Variants in DZIP1 observed in about 807,000 individuals in gnomAD.
The protein encoded by DZIP1 is cilium assembly protein DZIP1.
In DZIP1, 97 loss-of-function variants were observed where a neutral mutation model predicts 107.6. The ratio of observed to expected loss-of-function variants is 0.90; its 90% CI spans 0.77 to 1.07. The LOEUF is 1.07. DZIP1 is among the 50% of genes least tolerant of loss of function. The pLI, the probability that DZIP1 is intolerant of heterozygous loss-of-function variation, is 0.00. For synonymous variants in DZIP1, 390 were observed against 386.4 expected (o/e 1.01, Z -0.11); for missense variants, 1,035 against 1,063.6 (o/e 0.97, Z 0.37).
At chr13:95,643,853 T>C (rs752417534) in intron 1 of DZIP1, among the ~76,000 whole-genome samples, 155 bp from the exon 2 acceptor site, 1 of 152,198 alleles carries the variant, frequency 6.6e-6, no homozygotes, top group Non-Finnish European at 1.5e-5. Flanking sequence ...GTTAGAACGA[T>C]TAACCCATGA....
At chr13:95,599,923 C>A (rs985565094) in intron 14 of DZIP1, among the ~76,000 whole-genome samples, 7 of 152,188 alleles carry the variant, frequency 4.6e-5, no homozygotes, top group Non-Finnish European at 1.0e-4. Context: ...GAGAGGTCAG[C>A]AGCAAGAATG....
intron 7 of DZIP1, among the ~76,000 whole-genome samples, chr13:95,627,896 A>G (rs1876732453): frequency 6.6e-6 from 1 of 152,240 alleles, no homozygotes; most frequent in African/African-American, 2.4e-5. Context: ...ATGTCATTCA[A>G]TGGATGACTG....
At chr13:95,609,885 A>T (rs544978246) in intron 12 of DZIP1, among the ~76,000 whole-genome samples, 1 of 152,162 alleles carries the variant, frequency 6.6e-6, no homozygotes, top group Non-Finnish European at 1.5e-5. Context: ...CATCTCTCAA[A>T]TAGACAAAGA....
intron 16 of DZIP1, among the ~76,000 whole-genome samples, chr13:95,591,538 A>G (rs2044313330): frequency 6.6e-6 from 1 of 151,850 alleles, no homozygotes; most frequent in Admixed American, 6.6e-5. Context: ...CATACCACCC[A>G]CCCAGTTGCC....
At chr13:95,611,905 C>A (rs2045019875) in intron 11 of DZIP1, 132 bp downstream of exon 11, 1 of 1,151,324 alleles carries the variant, frequency 8.7e-7, no homozygotes, top group East Asian at 2.5e-5. Flanking sequence ...CTTTTACAAG[C>A]AATCACAAGG....
At chr13:95,624,103 G>T (rs1006276833) in intron 8 of DZIP1, among the ~76,000 whole-genome samples, 2 of 152,112 alleles carry the variant, frequency 1.3e-5, no homozygotes, top group Non-Finnish European at 2.9e-5. Context: ...CTCTATTTTC[G>T]TTTATAAAAC....
At chr13:95,585,907 GCTAA>G (rs2044146794) in intron 21 of DZIP1, 95 bp downstream of exon 21, 3 of 1,236,168 alleles carry the variant, frequency 2.4e-6, no homozygotes, top group South Asian at 3.3e-5. Flanking sequence ...TACTCTACCA[GCTAA>G]CTATCTGTTT....
Position 95,641,909 on chromosome 13 carries a change from G to C in DZIP1, c.37-54C>G. On this transcript the variant is annotated intron_variant, in intron 4 of 22. Transcript: ENST00000376829. The surrounding 1 kb of genome is among the most constrained non-coding windows in gnomAD (Gnocchi z 4.3). ...GGAGGCGGGGATGGGGGGCGGGCAG[G>C]CTGGGGAGCTGGGGGTCCGGGGAAG... 1 of 1,453,930 alleles carries C rather than the reference G, an allele frequency of 6.9e-7. No individual in the cohort carries two copies. Among genetic ancestry groups the C allele is most frequent in the Non-Finnish European group, 9.0e-7 (1 of 1,109,924 alleles). The allele number at this position is 1,453,930 out of a possible 1,614,324, so 90.1% of individuals were successfully genotyped here. A position where few individuals can be genotyped will look rare whatever the true frequency, so the allele number is the denominator to read the frequency against.
intron 7 of DZIP1, among the ~76,000 whole-genome samples, chr13:95,625,785 A>T (rs1237017000): frequency 6.6e-6 from 1 of 152,138 alleles, no homozygotes; most frequent in Non-Finnish European, 1.5e-5. Context: ...ATGCAGCCAA[A>T]TCAGTGCTCA....
At chr13:95,633,755 T>A (rs1483140780) in intron 5 of DZIP1, among the ~76,000 whole-genome samples, 7 of 147,588 alleles carry the variant, frequency 4.7e-5, no homozygotes, top group Admixed American at 4.7e-4. Context: ...AACGATACCA[T>A]CCTAGCAAGA....
At position 95,642,074 on chromosome 13, in the gene DZIP1, G is replaced by T. The variant is rs775411515; in HGVS notation, c.-45C>A. The stretch of plus-strand genomic sequence containing the variant: ...TTACCCAGCCTGGGCCGCCTCCCGG[G>T]CCGCCGCCGCCACAGCCCTCAGGAG... On this transcript the variant is annotated 5_prime_UTR_variant, in exon 4 of 23. Transcript: ENST00000376829. 6.6e-5 allele frequency: 98 copies of T among 1,487,230 alleles called. No individual in the cohort carries two copies. Among genetic ancestry groups the T allele is most frequent in the Non-Finnish European group, 8.7e-5 (98 of 1,128,414 alleles). 92.1% of individuals were successfully genotyped at this position (1,487,230 alleles called of 1,614,324 possible).
At chr13:95,601,330 T>G (rs2044612253) in intron 14 of DZIP1, among the ~76,000 whole-genome samples, 1 of 152,128 alleles carries the variant, frequency 6.6e-6, no homozygotes, top group South Asian at 2.1e-4. Flanking sequence ...GCCACCAGTC[T>G]AGACTTCAAA....
rs71682947 is a variant in DZIP1 at position 95,639,998 on chromosome 13, A to ATTT, written c.597+1294_597+1296dup. The stretch of plus-strand genomic sequence containing the variant: ...TCCCTTATCTTTTTTATTTTTATTT[A>ATTT]TTTTTTTTTTTTTGAGATAGATTCT... On this transcript the variant is annotated intron_variant, in intron 5 of 22. Transcript: ENST00000376829. 1.6e-3 allele frequency among the ~76,000 whole-genome samples: 229 copies of ATTT among 142,986 alleles called. 3 individuals are homozygous for ATTT. Among genetic ancestry groups the ATTT allele is most frequent in the African/African-American group, 4.0e-3 (152 of 37,962 alleles). 93.8% of individuals were successfully genotyped at this position (142,986 alleles called of 152,430 possible). A position where few individuals can be genotyped will look rare whatever the true frequency, so the allele number is the denominator to read the frequency against.
chr13:95,587,305 G>A (rs2044185619), intron 20 of DZIP1, among the ~76,000 whole-genome samples: 1 of 152,136 alleles, frequency 6.6e-6, no homozygotes, highest in Non-Finnish European at 1.5e-5. Context: ...CCCAGTTTAT[G>A]GTACTGTTAT....
In DZIP1 at chr13:95,586,049, A is replaced by C; in HGVS notation, c.2306T>G (p.Val769Gly). The C allele has an allele frequency of 6.2e-7, 1 of 1,609,208 alleles. No homozygotes were observed. Among genetic ancestry groups the C allele is most frequent in the South Asian group, 1.1e-5 (1 of 89,638 alleles). The change falls in exon 21 of 23, where the codon GTC (valine) becomes GGC (glycine). Residue 769 changes from valine to glycine, a missense_variant. Val to Gly is a moderately radical substitution (Grantham distance 109, BLOSUM62 -3). Coordinates refer to ENST00000376829, the MANE Select transcript of DZIP1 (RefSeq NM_198968.4). ...TTCTTTTTTGATAAACATCTCAGGG[A>C]CATTAGTTCCACCGACTGGTTTGTT... Reference protein sequence around the residue: ...NVNKPVGGTNVPEMFIKKEEL... With the variant: ...NVNKPVGGTNGPEMFIKKEEL...
chr13:95,629,943 C>G, intron 7 of DZIP1, 46 bp downstream of exon 7: 1 of 1,541,848 alleles, frequency 6.5e-7, no homozygotes, highest in Non-Finnish European at 8.7e-7. Context: ...AATTGAATTA[C>G]ATACAGTTAA....
At chr13:95,599,027 G>T (rs2044538107) in intron 15 of DZIP1, among the ~76,000 whole-genome samples, 1 of 152,102 alleles carries the variant, frequency 6.6e-6, no homozygotes, top group Non-Finnish European at 1.5e-5. Context: ...AATATTTTCA[G>T]ATCTTCTGGT....
chr13:95,584,536 A>G, intron 22 of DZIP1, 200 bp downstream of exon 22: 1 of 1,046,954 alleles, frequency 9.6e-7, no homozygotes, highest in East Asian at 3.6e-5. Flanking sequence ...TTAGTCCTAT[A>G]ATTAAATAAA....
intron 6 of DZIP1, among the ~76,000 whole-genome samples, chr13:95,632,806 C>T (rs1011403204): frequency 6.6e-6 from 1 of 152,142 alleles, no homozygotes; most frequent in Non-Finnish European, 1.5e-5. Context: ...CATCCCAGCA[C>T]ACCTCACGTC....
Sources: allele counts gnomAD v4.1 joint callset (sites outside exome capture counted in the v4.1 genomes callset), GRCh38; gene constraint gnomAD v4.1.1; non-coding constraint Gnocchi (gnomAD v3.1); transcripts MANE v1.5; gene names NCBI Gene and HGNC (gene_info 2026-07-23, HGNC 2026-07-21).